Variants in NCKAP5 observed in about 807,000 individuals in gnomAD.
NCKAP5 encodes the protein nck-associated protein 5.
In NCKAP5, 92 loss-of-function variants were observed where a neutral mutation model predicts 167.0. The ratio of observed to expected loss-of-function variants is 0.55; its 90% CI spans 0.47 to 0.66. The LOEUF (loss-of-function observed/expected upper bound fraction) is 0.66, where lower values mean the gene tolerates loss of function less well. NCKAP5 is among the 30% of genes least tolerant of loss of function. The pLI is 0.00. For missense variants in NCKAP5, 2,378 were observed against 2,315.0 expected (o/e 1.03, Z -0.56); for synonymous variants, 891 against 877.4 (o/e 1.02, Z -0.27).
At chr2:132,937,421 T>G (rs1263144821) in intron 8 of NCKAP5, among the ~76,000 whole-genome samples, 1 of 152,234 alleles carries the variant, frequency 6.6e-6, no homozygotes, top group Non-Finnish European at 1.5e-5. Context: ...TAATACATTG[T>G]TGGCCAGCAC....
intron 3 of NCKAP5, among the ~76,000 whole-genome samples, chr2:133,361,855 A>G (rs141530842): frequency 1.7e-3 from 264 of 152,354 alleles, no homozygotes; most frequent in African/African-American, 6.0e-3. Context: ...GTTATATTAA[A>G]TCCAGTTCAT....
chr2:133,618,351 A>G, the NCKAP5 span, among the ~76,000 whole-genome samples: 2 of 151,282 alleles, frequency 1.3e-5, no homozygotes, highest in East Asian at 3.9e-4. Context: ...AGAAACTACC[A>G]TCAGAGTGAA....
chr2:133,607,352 G>C, the NCKAP5 span, among the ~76,000 whole-genome samples: 2 of 152,192 alleles, frequency 1.3e-5, no homozygotes, highest in African/African-American at 4.8e-5. Context: ...CCCAGGTAGA[G>C]TGTCTCCACT....
intron 11 of NCKAP5, among the ~76,000 whole-genome samples, chr2:132,812,811 G>A (rs1685983620): frequency 6.6e-6 from 1 of 152,184 alleles, no homozygotes; most frequent in South Asian, 2.1e-4. Flanking sequence ...AGATCAAGGT[G>A]CCAGCAGATC....
intron 4 of NCKAP5, among the ~76,000 whole-genome samples, chr2:133,298,880 C>G (rs1258534691): frequency 6.6e-6 from 1 of 152,096 alleles, no homozygotes; most frequent in Non-Finnish European, 1.5e-5. Context: ...ATAAAACTAT[C>G]AGAATCAGGT....
At chr2:133,092,756 T>A (rs1333585036) in intron 6 of NCKAP5, among the ~76,000 whole-genome samples, 1 of 152,128 alleles carries the variant, frequency 6.6e-6, no homozygotes, top group Non-Finnish European at 1.5e-5. Context: ...CGTTTTATGG[T>A]TTTTTGCCCA....
At chr2:132,993,113 T>C (rs549117606) in intron 7 of NCKAP5, among the ~76,000 whole-genome samples, 11 of 152,344 alleles carry the variant, frequency 7.2e-5, no homozygotes, top group African/African-American at 2.6e-4. Flanking sequence ...GCTGGGTTCC[T>C]ATGCTTGCTT....
chr2:133,174,898 G>A (rs538086279), intron 5 of NCKAP5, among the ~76,000 whole-genome samples: 81 of 152,054 alleles, frequency 5.3e-4, no homozygotes, highest in Non-Finnish European at 8.2e-4. Flanking sequence ...TCCCTAAACC[G>A]AGACTGCCAA....
chr2:133,659,618 C>T, the NCKAP5 span, among the ~76,000 whole-genome samples: 1 of 152,090 alleles, frequency 6.6e-6, no homozygotes, highest in Non-Finnish European at 1.5e-5. Context: ...GCTTAGTATT[C>T]AGAATATACT....
At chr2:132,894,881 C>T (rs1303664208) in intron 8 of NCKAP5, among the ~76,000 whole-genome samples, 1 of 152,028 alleles carries the variant, frequency 6.6e-6, no homozygotes, top group African/African-American at 2.4e-5. Context: ...AGCCTCCTGC[C>T]GTTCTGCGAG....
the NCKAP5 span, among the ~76,000 whole-genome samples, chr2:133,651,894 G>T: frequency 1.3e-5 from 2 of 152,206 alleles, no homozygotes; most frequent in African/African-American, 4.8e-5. Context: ...AATGGTTGGG[G>T]TTTCTGTGAA....
the NCKAP5 span, among the ~76,000 whole-genome samples, chr2:133,613,165 A>C: frequency 1.3e-5 from 2 of 152,194 alleles, no homozygotes; most frequent in African/African-American, 4.8e-5. Flanking sequence ...GTAAAGTCAA[A>C]ATCTACATCT....
chr2:133,309,325 A>G (rs1681062815), intron 3 of NCKAP5, among the ~76,000 whole-genome samples: 1 of 152,222 alleles, frequency 6.6e-6, no homozygotes, highest in Admixed American at 6.5e-5. Context: ...TATAAATTTT[A>G]GAAAGCTTGA....
chr2:132,998,725 C>T (rs564346306), intron 6 of NCKAP5, among the ~76,000 whole-genome samples: 28 of 152,228 alleles, frequency 1.8e-4, no homozygotes, highest in African/African-American at 4.3e-4. Context: ...ATTATTTCGA[C>T]GGCTAATGAA....
At chr2:133,079,836 C>A (rs984644761) in intron 6 of NCKAP5, among the ~76,000 whole-genome samples, 2 of 152,082 alleles carry the variant, frequency 1.3e-5, no homozygotes, top group African/African-American at 2.4e-5. Flanking sequence ...ATTCAAAATT[C>A]TTTTACAGTG....
intron 10 of NCKAP5, among the ~76,000 whole-genome samples, chr2:132,868,684 T>C (rs1231892785): frequency 1.3e-5 from 2 of 152,224 alleles, no homozygotes; most frequent in African/African-American, 4.8e-5. Flanking sequence ...GTGGGTTTGC[T>C]ACTCATCTGG....
intron 3 of NCKAP5, among the ~76,000 whole-genome samples, chr2:133,394,895 A>G (rs1687642399): frequency 6.6e-6 from 1 of 152,360 alleles, no homozygotes; most frequent in East Asian, 1.9e-4. Context: ...GTGGATGGAA[A>G]TATTTAAAAA....
chr2:133,051,459 C>G (rs1409395358), intron 6 of NCKAP5, among the ~76,000 whole-genome samples: 1 of 152,080 alleles, frequency 6.6e-6, no homozygotes, highest in Non-Finnish European at 1.5e-5. Flanking sequence ...ATGAAAGGAA[C>G]GTGGGCTGGA....
chr2:133,607,132 G>A, the NCKAP5 span, among the ~76,000 whole-genome samples: 1 of 152,166 alleles, frequency 6.6e-6, no homozygotes, highest in African/African-American at 2.4e-5. Flanking sequence ...ATCAGTATGT[G>A]TACCACATAA....
Sources: allele counts gnomAD v4.1 joint callset (sites outside exome capture counted in the v4.1 genomes callset), GRCh38; gene constraint gnomAD v4.1.1; transcripts MANE v1.5; gene names NCBI Gene and HGNC (gene_info 2026-07-23, HGNC 2026-07-21).